The following DSG3 variants were observed in gnomAD, a reference collection of about 807,000 sequenced individuals.
The protein encoded by DSG3 is desmoglein 3, also known as desmoglein-3.
In DSG3, 63 loss-of-function variants were observed where a neutral mutation model predicts 85.9. The observed-to-expected ratio is 0.73, with a 90% CI of 0.60 to 0.90. DSG3 has a LOEUF of 0.90. Ranked by LOEUF, DSG3 falls within the 40% of genes least tolerant of loss-of-function variation. DSG3 has a pLI of 0.00. For synonymous variants in DSG3, 447 were observed against 441.9 expected (o/e 1.01, Z -0.14); for missense variants, 1,220 against 1,219.9 (o/e 1.00, Z 0.00).
chr18:31,470,535 G>A (rs981446467), intron 12 of DSG3, among the ~76,000 whole-genome samples: 1 of 152,224 alleles, frequency 6.6e-6, no homozygotes, highest in Admixed American at 6.5e-5. Flanking sequence ...TATTAATCAA[G>A]TTCAAGAACC....
intron 12 of DSG3, among the ~76,000 whole-genome samples, chr18:31,471,932 C>G (rs1039230708): frequency 3.9e-5 from 6 of 152,122 alleles, no homozygotes; most frequent in Non-Finnish European, 8.8e-5. Flanking sequence ...ATATACATAG[C>G]CCCAACATGT....
intron 1 of DSG3, 24 bp downstream of exon 1, chr18:31,447,949 A>G (rs371856748): frequency 5.9e-6 from 9 of 1,529,612 alleles, no homozygotes; most frequent in African/African-American, 1.4e-5. Context: ...TTTCCTAATA[A>G]TCACAAACTT....
At chr18:31,460,711 TC>T in intron 6 of DSG3, 121 bp from the exon 7 acceptor site, 1 of 879,784 alleles carries the variant, frequency 1.1e-6, no homozygotes. Flanking sequence ...CCATCCAGAG[TC>T]CCACAAATGT....
chr18:31,453,800 C>T (rs112530496), intron 1 of DSG3, among the ~76,000 whole-genome samples: 13 of 152,006 alleles, frequency 8.6e-5, no homozygotes, highest in African/African-American at 3.1e-4. Context: ...AAAGAGACAA[C>T]TTAGTTCATT....
At chr18:31,461,047 T>G in intron 7 of DSG3, 86 bp downstream of exon 7, 2 of 1,365,856 alleles carry the variant, frequency 1.5e-6, no homozygotes, top group South Asian at 3.2e-5. Flanking sequence ...TTTGTTGGCT[T>G]TTATTTAAGT....
chr18:31,456,111 A>G (rs529791695), intron 1 of DSG3, among the ~76,000 whole-genome samples: 1 of 152,304 alleles, frequency 6.6e-6, no homozygotes, highest in Admixed American at 6.5e-5. Context: ...GCTTCCAGGA[A>G]CGGTGTATAA....
Position 31,475,994 on chromosome 18 carries a change from A to G in DSG3, c.2734A>G (p.Thr912Ala), listed in dbSNP as rs1380866. ...SGSQGASALSTSGSVQPAVSI... is the reference protein window; with the variant it reads ...SGSQGASALSASGSVQPAVSI... Reference sequence around the variant, plus strand: ...AAGTCAAGGAGCTTCTGCTTTGTCCACCTCTGGGTCTGTCCAGCCAGCTGT... The same window carrying G: ...AAGTCAAGGAGCTTCTGCTTTGTCCGCCTCTGGGTCTGTCCAGCCAGCTGT... Residue 912 changes from threonine (T) to alanine (A), a missense_variant, in exon 16 of 16, where the codon ACC becomes GCC. By Grantham distance (58) the Thr-to-Ala change is moderately conservative. Transcript: ENST00000257189. 1 allele frequency: 1,611,192 copies of G among 1,614,238 alleles called. 804,078 individuals are homozygous for G. Among genetic ancestry groups the G allele is most frequent in the South Asian group, 1 (91,080 of 91,084 alleles).
chr18:31,462,049 G>T (rs1344277140), intron 8 of DSG3, among the ~76,000 whole-genome samples: 1 of 151,800 alleles, frequency 6.6e-6, no homozygotes, highest in East Asian at 1.9e-4. Context: ...TTGTTGTTGT[G>T]GTTGTGGTTG....
chr18:31,461,478 G>A, intron 8 of DSG3, 66 bp downstream of exon 8: 1 of 1,326,700 alleles, frequency 7.5e-7, no homozygotes, highest in Non-Finnish European at 1.1e-6. Flanking sequence ...CATTTCTACA[G>A]ATAAAATGTA....
intron 13 of DSG3, 104 bp from the exon 14 acceptor site, chr18:31,472,621 C>A: frequency 7.5e-7 from 1 of 1,334,324 alleles, no homozygotes; most frequent in East Asian, 2.5e-5. Flanking sequence ...ATTTGCACTT[C>A]TTGTAATGTT....
At chr18:31,455,557 A>C (rs1470332920) in intron 1 of DSG3, among the ~76,000 whole-genome samples, 1 of 152,252 alleles carries the variant, frequency 6.6e-6, no homozygotes, top group Non-Finnish European at 1.5e-5. Flanking sequence ...GTACAAACTC[A>C]GAAAAAGAGA....
In DSG3 at chr18:31,464,134, A is replaced by C; in HGVS notation, c.1023A>C (p.Gln341His). The C allele has an allele frequency of 6.2e-7, 1 of 1,613,874 alleles. No homozygotes were observed. The highest frequency in any genetic ancestry group is 8.5e-7 in the Non-Finnish European group (1 of 1,179,874). The change falls in exon 9 of 16, where the codon CAA becomes CAC. Residue 341 changes from glutamine (Q) to histidine (H), a missense_variant. Coordinates refer to ENST00000257189, the MANE Select transcript of DSG3 (RefSeq NM_001944.3). ...AGGCTCTAGATTATGAACAACTACAAAGCGTGAAACTTAGTATTGCTGTCA... is the reference window on the plus strand; with the variant it reads ...AGGCTCTAGATTATGAACAACTACACAGCGTGAAACTTAGTATTGCTGTCA... ...VVKALDYEQL[Q>H]SVKLSIAVKN...
chr18:31,459,721 G>C, intron 5 of DSG3, 124 bp from the exon 6 acceptor site: 1 of 953,394 alleles, frequency 1.0e-6, no homozygotes, highest in Non-Finnish European at 1.5e-6. Context: ...ACAATTTTTT[G>C]AACATACAGA....
Position 31,457,102 on chromosome 18 carries a change from CAAAAA to C in DSG3, c.195_199del (p.Arg67ProfsTer35). The C allele has an allele frequency of 6.2e-7, 1 of 1,611,408 alleles. No homozygotes were observed. Among genetic ancestry groups the C allele is most frequent in the Non-Finnish European group, 8.5e-7 (1 of 1,179,044 alleles). ...CCCTGCAGAGAAGGAGAAGATAACT[CAAAAA>C]GAAACCCAATTGCCAAGGTAAGTTA... On this transcript the variant is annotated frameshift_variant, in exon 3 of 16. Coordinates refer to ENST00000257189, the MANE Select transcript of DSG3 (RefSeq NM_001944.3). LOFTEE classifies it high-confidence loss of function.
chr18:31,448,782 G>A (rs753234119), intron 1 of DSG3, among the ~76,000 whole-genome samples: 5 of 151,854 alleles, frequency 3.3e-5, no homozygotes, highest in Non-Finnish European at 7.4e-5. Context: ...ATGATAAGCT[G>A]GGTTGGCCTA....
chr18:31,476,061 C>T lies in DSG3; in HGVS notation c.2801C>T (p.Thr934Met), dbSNP rs780241208. 43 of 1,614,068 alleles carry T rather than the reference C, an allele frequency of 2.7e-5. No individual in the cohort carries two copies. Among genetic ancestry groups the T allele is most frequent in the Middle Eastern group, 1.6e-4 (1 of 6,084 alleles). ...DPLQHGNYLVTETYSASGSLV... is the reference protein window; with the variant it reads ...DPLQHGNYLVMETYSASGSLV... Reference sequence around the variant, plus strand: ...CTGCAGCATGGTAACTATTTAGTAACGGAGACTTACTCGGCTTCTGGTTCC... The same window carrying T: ...CTGCAGCATGGTAACTATTTAGTAATGGAGACTTACTCGGCTTCTGGTTCC... The change falls in exon 16 of 16, where the codon ACG (threonine) becomes ATG (methionine). Residue 934 changes from threonine to methionine, a missense_variant. Coordinates refer to ENST00000257189, the MANE Select transcript of DSG3 (RefSeq NM_001944.3).
At chr18:31,464,065 G>A (rs376395413) in intron 8 of DSG3, 46 bp from the exon 9 acceptor site, 2 of 1,567,482 alleles carry the variant, frequency 1.3e-6, no homozygotes, top group Non-Finnish European at 1.7e-6. Context: ...GGGTTTGCGG[G>A]AGTGTATTTT....
At position 31,452,517 on chromosome 18, in the gene DSG3, C is replaced by CAAA. The variant is rs35886860; in HGVS notation, c.49-3897_49-3895dup. 9.1e-4 allele frequency among the ~76,000 whole-genome samples: 47 copies of CAAA among 51,820 alleles called. 2 individuals are homozygous for CAAA. The highest frequency in any genetic ancestry group is 1.7e-3 in the East Asian group (2 of 1,198). The allele number at this position is 51,820 out of a possible 152,430, so 34.0% of individuals were successfully genotyped here. Reference sequence around the variant, plus strand: ...CTTGTGACAGAGCGAGACTCCGTCTCAAAAAAAAAAAAAAAAAAAAAAAAA... The same window carrying CAAA: ...CTTGTGACAGAGCGAGACTCCGTCTCAAAAAAAAAAAAAAAAAAAAAAAAAAAA... On this transcript the variant is annotated intron_variant, in intron 1 of 15. Coordinates refer to ENST00000257189, the MANE Select transcript of DSG3 (RefSeq NM_001944.3).
rs61730311 is a variant in DSG3, at chr18:31,469,175, C to G, written c.1723C>G (p.Arg575Gly). The G allele has an allele frequency of 1.2e-6, 2 of 1,614,030 alleles. No individual in the cohort carries two copies. Among genetic ancestry groups the G allele is most frequent in the Non-Finnish European group, 1.7e-6 (2 of 1,180,046 alleles). Residue 575 changes from arginine (R) to glycine (G), a missense_variant, in exon 12 of 16, where the codon CGG (arginine) becomes GGG (glycine). By Grantham distance (125) the Arg-to-Gly change is moderately radical. Coordinates refer to ENST00000257189, the MANE Select transcript of DSG3 (RefSeq NM_001944.3). ...SLVLTDSQNN[R>G]CEMPRSLTLE... ...GGTACTTACAGACAGTCAGAACAAT[C>G]GGTGTGAGATGCCACGCAGCTTGAC...
Sources: gnomAD v4.1 joint callset for allele counts (sites outside exome capture counted in the v4.1 genomes callset) on GRCh38, gnomAD v4.1.1 for gene constraint, MANE v1.5 for transcripts, NCBI Gene and HGNC (gene_info 2026-07-23, HGNC 2026-07-21) for gene names.